The following DCUN1D4 variants were observed in gnomAD, a reference collection of about 807,000 sequenced individuals.
DCUN1D4 encodes the protein DCN1-like protein 4.
A neutral mutation model predicts 47.9 loss-of-function variants in DCUN1D4; 22 were observed. The observed-to-expected ratio is 0.46, with a 90% confidence interval of 0.33 to 0.66. The LOEUF is 0.66. DCUN1D4 is among the 30% of genes least tolerant of loss of function. DCUN1D4 has a pLI of 0.02. For missense variants in DCUN1D4, 301 were observed against 340.8 expected, an observed-to-expected ratio of 0.88 and a Z score of 0.92; for synonymous variants, 121 against 112.2, an observed-to-expected ratio of 1.08 and a Z score of -0.50.
chr4:51,896,899 C>CA (rs1157461792), intron 7 of DCUN1D4, among the ~76,000 whole-genome samples: 5 of 152,164 alleles, frequency 3.3e-5, no homozygotes, highest in African/African-American at 9.7e-5. Flanking sequence ...CTGTGGACTA[C>CA]AAAAGCCTTT....
chr4:51,901,577 C>T (rs1732123294), intron 8 of DCUN1D4, among the ~76,000 whole-genome samples: 1 of 152,208 alleles, frequency 6.6e-6, no homozygotes. Context: ...CAGTTGTACC[C>T]ATCCAGGCCC....
chr4:51,834,974 G>A, the DCUN1D4 span, among the ~76,000 whole-genome samples: 2 of 152,146 alleles, frequency 1.3e-5, no homozygotes, highest in Non-Finnish European at 2.9e-5. Context: ...CCCTGATATT[G>A]GGGAAACTGT....
chr4:51,841,871 C>T (rs1160715403), upstream of DCUN1D4, among the ~76,000 whole-genome samples: 1 of 151,606 alleles, frequency 6.6e-6, no homozygotes, highest in East Asian at 1.9e-4. Flanking sequence ...TGTGGTGTCA[C>T]CTACTCTTTG....
chr4:51,866,363 G>A (rs1249915450), intron 3 of DCUN1D4, among the ~76,000 whole-genome samples: 1 of 151,782 alleles, frequency 6.6e-6, no homozygotes, highest in Admixed American at 6.6e-5. Flanking sequence ...TCTTCTGTTT[G>A]TTAACCAAAT....
At chr4:51,884,964 G>A (rs1729228983) in intron 5 of DCUN1D4, 1 of 152,244 alleles carries the variant, frequency 6.6e-6, no homozygotes, top group African/African-American at 2.4e-5. Context: ...CCACAGGTAA[G>A]TAGGTGTTTC....
the DCUN1D4 span, among the ~76,000 whole-genome samples, chr4:51,834,099 C>CTTTTTTTTTTTTTTTTTTT: frequency 2.4e-5 from 1 of 40,818 alleles, no homozygotes; most frequent in African/African-American, 2.6e-4. Context: ...TTCTTTTCTT[C>CTTTTTTTTTTTTTTTTTTT]TTTCTTTTTT....
chr4:51,899,093 CT>C (rs754585136), intron 7 of DCUN1D4, among the ~76,000 whole-genome samples, 176 bp from the exon 8 acceptor site: 1 of 152,072 alleles, frequency 6.6e-6, no homozygotes, highest in Non-Finnish European at 1.5e-5. Flanking sequence ...ATTTGCTATT[CT>C]TTCAACTTTT....
chr4:51,840,120 T>C (rs1721594023), upstream of DCUN1D4, among the ~76,000 whole-genome samples: 1 of 152,146 alleles, frequency 6.6e-6, no homozygotes, highest in Admixed American at 6.6e-5. Context: ...TCTCCAAATA[T>C]CTCTACCCAT....
chr4:51,843,355 G>T, intron 1 of DCUN1D4, 88 bp downstream of exon 1: 1 of 1,428,184 alleles, frequency 7.0e-7, no homozygotes, highest in Non-Finnish European at 9.2e-7. Context: ...CCCACGCCTC[G>T]GGTCCCGAAA....
intron 1 of DCUN1D4, among the ~76,000 whole-genome samples, chr4:51,853,928 A>C (rs1723746858): frequency 6.6e-6 from 1 of 152,178 alleles, no homozygotes; most frequent in South Asian, 2.1e-4. Flanking sequence ...TGTGCCACGC[A>C]CTGTTTGAAG....
At chr4:51,907,599 TTCTTGATTCCAGCTAGTCTCTCTTGAAAA>T (rs1182476221) in intron 8 of DCUN1D4, among the ~76,000 whole-genome samples, 1 of 152,206 alleles carries the variant, frequency 6.6e-6, no homozygotes, top group African/African-American at 2.4e-5. Flanking sequence ...TGTATATTAT[TTCTTGATTCCAGCTAGTCTCTCTTGAAAA>T]TCTTCTGGGT....
chr4:51,900,882 G>GAA (rs1252211791), intron 8 of DCUN1D4, among the ~76,000 whole-genome samples: 3 of 151,876 alleles, frequency 2.0e-5, no homozygotes, highest in Non-Finnish European at 4.4e-5. Flanking sequence ...TTCCTTGACT[G>GAA]GGGGAGTCAC....
chr4:51,877,074 A>C (rs979717619), intron 4 of DCUN1D4, among the ~76,000 whole-genome samples: 1 of 152,206 alleles, frequency 6.6e-6, no homozygotes, highest in Admixed American at 6.5e-5. Flanking sequence ...TTGCAACAGG[A>C]GGCTGCTGTG....
At chr4:51,844,187 A>C (rs1369113517) in intron 1 of DCUN1D4, among the ~76,000 whole-genome samples, 1 of 149,948 alleles carries the variant, frequency 6.7e-6, no homozygotes, top group Non-Finnish European at 1.5e-5. Context: ...GAGGACTGTC[A>C]CGTCCAGATT....
At chr4:51,888,197 C>T (rs1729822845) in intron 6 of DCUN1D4, among the ~76,000 whole-genome samples, 1 of 152,042 alleles carries the variant, frequency 6.6e-6, no homozygotes, top group Non-Finnish European at 1.5e-5. Flanking sequence ...AGAGGAGTGG[C>T]AGCAGGGCCT....
At chr4:51,867,737 C>T (rs566342306) in intron 3 of DCUN1D4, among the ~76,000 whole-genome samples, 1 of 152,310 alleles carries the variant, frequency 6.6e-6, no homozygotes, top group Non-Finnish European at 1.5e-5. Context: ...CTGGAAAAAG[C>T]ACCATAAGTT....
chr4:51,876,406 G>C (rs189238857), intron 4 of DCUN1D4, among the ~76,000 whole-genome samples: 1 of 152,000 alleles, frequency 6.6e-6, no homozygotes, highest in Non-Finnish European at 1.5e-5. Flanking sequence ...ATCACACACC[G>C]GGGGGCCTGT....
At chr4:51,848,585 C>T (rs934649661) in intron 1 of DCUN1D4, among the ~76,000 whole-genome samples, 3 of 152,138 alleles carry the variant, frequency 2.0e-5, no homozygotes, top group Non-Finnish European at 4.4e-5. Context: ...TAATTCTTCT[C>T]ATAGCTTGCT....
chr4:51,870,261 G>A lies in DCUN1D4; in HGVS notation c.137-4010G>A, dbSNP rs543051714. On this transcript the variant is annotated intron_variant, in intron 3 of 10. Transcript: ENST00000334635. ...CAACTCATACAAGTTGTAAGTCGGTGAAGTCTAAATTTAATGATACAAATA... is the reference window on the plus strand; with the variant it reads ...CAACTCATACAAGTTGTAAGTCGGTAAAGTCTAAATTTAATGATACAAATA... 2.0e-3 allele frequency among the ~76,000 whole-genome samples: 307 copies of A among 152,090 alleles called. 1 individual carries two copies. The highest frequency in any genetic ancestry group is 7.1e-3 in the African/African-American group (293 of 41,504).
Sources: gnomAD v4.1 joint callset for allele counts (sites outside exome capture counted in the v4.1 genomes callset) on GRCh38, gnomAD v4.1.1 for gene constraint, MANE v1.5 for transcripts, NCBI Gene and HGNC (gene_info 2026-07-23, HGNC 2026-07-21) for gene names.